Variants in NRXN3 observed in about 807,000 individuals in gnomAD.
The protein encoded by NRXN3 is neurexin III.
Under a neutral mutation model 137.6 loss-of-function variants are expected in NRXN3, and 32 were observed. That is an observed-to-expected ratio of 0.23 (90% confidence interval 0.18 to 0.31). The LOEUF (loss-of-function observed/expected upper bound fraction) is 0.31, where lower values mean the gene tolerates loss of function less well. Ranked by LOEUF, NRXN3 falls within the 10% of genes least tolerant of loss-of-function variation. NRXN3 has a pLI of 1.00. For missense variants in NRXN3, 1,574 were observed against 2,062.5 expected (o/e 0.76, Z 4.59); for synonymous variants, 798 against 784.5 (o/e 1.02, Z -0.29).
intron 19 of NRXN3, among the ~76,000 whole-genome samples, chr14:79,772,253 C>A (rs1219088930): frequency 1.3e-5 from 2 of 152,066 alleles, no homozygotes; most frequent in Non-Finnish European, 2.9e-5. Flanking sequence ...CAATGACTTT[C>A]TTCACAGAAT....
chr14:79,124,715 A>G (rs1156696396), intron 15 of NRXN3, among the ~76,000 whole-genome samples: 1 of 152,176 alleles, frequency 6.6e-6, no homozygotes, highest in Non-Finnish European at 1.5e-5. Context: ...TCTGGAGGGA[A>G]ATTTCCAAGG....
At chr14:79,591,677 A>AT (rs1416627034) in intron 16 of NRXN3, among the ~76,000 whole-genome samples, 3 of 152,120 alleles carry the variant, frequency 2.0e-5, no homozygotes, top group Non-Finnish European at 4.4e-5. Context: ...TACAAAAGAG[A>AT]TTTTCACTTA....
intron 4 of NRXN3, among the ~76,000 whole-genome samples, chr14:78,614,777 G>T (rs957055232): frequency 2.6e-5 from 4 of 152,200 alleles, no homozygotes; most frequent in African/African-American, 9.6e-5. Context: ...AATTTTCTGG[G>T]TCAATTGTGC....
At chr14:78,533,824 G>A (rs2096500804) in intron 4 of NRXN3, among the ~76,000 whole-genome samples, 1 of 152,156 alleles carries the variant, frequency 6.6e-6, no homozygotes, top group African/African-American at 2.4e-5. Context: ...CATGCATATG[G>A]CCACTATGGC....
At chr14:78,927,022 A>T (rs2099307044) in intron 10 of NRXN3, among the ~76,000 whole-genome samples, 1 of 114,250 alleles carries the variant, frequency 8.8e-6, no homozygotes, top group Admixed American at 1.4e-4. Context: ...AAATGTGGTG[A>T]TGCACTCCTG....
At chr14:79,106,258 G>C (rs574294373) in intron 15 of NRXN3, among the ~76,000 whole-genome samples, 14 of 152,040 alleles carry the variant, frequency 9.2e-5, no homozygotes, top group Non-Finnish European at 1.9e-4. Context: ...GATGACGGTA[G>C]GTAGCAGGAT....
At chr14:78,489,916 C>CTT (rs11342442) in intron 4 of NRXN3, among the ~76,000 whole-genome samples, 3 of 140,502 alleles carry the variant, frequency 2.1e-5, no homozygotes, top group African/African-American at 2.6e-5. Context: ...GAGAGCTGGA[C>CTT]TTTTTTTTTT....
At chr14:78,933,345 T>G (rs2099327392) in intron 10 of NRXN3, among the ~76,000 whole-genome samples, 1 of 152,240 alleles carries the variant, frequency 6.6e-6, no homozygotes, top group Non-Finnish European at 1.5e-5. Context: ...CAAGATAACA[T>G]AGCAATTTGG....
chr14:78,921,099 C>G (rs61994010), intron 10 of NRXN3, among the ~76,000 whole-genome samples: 3,049 of 152,302 alleles, frequency 0.02, 40 homozygotes, highest in Middle Eastern at 0.048. Context: ...TGTAATCAGT[C>G]CTCATCCTAA....
At chr14:79,293,644 A>G (rs4899738) in intron 15 of NRXN3, among the ~76,000 whole-genome samples, 49,883 of 152,006 alleles carry the variant, frequency 0.33, 8,555 homozygotes, top group Admixed American at 0.45. Context: ...CACCACTTGG[A>G]TAACAAATGA....
At chr14:78,601,343 T>C (rs1223317549) in intron 4 of NRXN3, among the ~76,000 whole-genome samples, 1 of 152,218 alleles carries the variant, frequency 6.6e-6, no homozygotes, top group Non-Finnish European at 1.5e-5. Context: ...ATGCCAATTT[T>C]GTGAGTAAAA....
At chr14:79,692,081 A>G in intron 17 of NRXN3, 92 bp from the exon 18 acceptor site, 5 of 901,782 alleles carry the variant, frequency 5.5e-6, no homozygotes, top group Admixed American at 2.9e-5. Flanking sequence ...ATCTCTAAAA[A>G]CTTCATAAAA....
chr14:79,281,636 C>T (rs1345813154), intron 15 of NRXN3: 1 of 152,020 alleles, frequency 6.6e-6, no homozygotes, highest in South Asian at 2.1e-4. Flanking sequence ...GTTGATTGAA[C>T]TGTTATAAAG....
intron 15 of NRXN3, among the ~76,000 whole-genome samples, chr14:79,419,637 G>A (rs564755143): frequency 6.6e-6 from 1 of 151,886 alleles, no homozygotes; most frequent in South Asian, 2.1e-4. Context: ...GGGGAGAGAA[G>A]GATGAAAGAG....
intron 16 of NRXN3, among the ~76,000 whole-genome samples, chr14:79,614,195 A>G (rs1603100113): frequency 1.3e-5 from 2 of 152,348 alleles, no homozygotes; most frequent in East Asian, 3.9e-4. Context: ...TTCCGTTGAG[A>G]TAGAACACAC....
chr14:79,461,388 A>G (rs948985376), intron 15 of NRXN3, among the ~76,000 whole-genome samples: 5 of 152,176 alleles, frequency 3.3e-5, no homozygotes, highest in Non-Finnish European at 1.5e-5. Context: ...CAGATGAGAC[A>G]CTCCAAAAGA....
intron 15 of NRXN3, among the ~76,000 whole-genome samples, chr14:79,023,767 A>G (rs2099593655): frequency 6.6e-6 from 1 of 152,074 alleles, no homozygotes; most frequent in Non-Finnish European, 1.5e-5. Context: ...TGTCACAAGA[A>G]CAGCATGGGG....
chr14:79,850,551 G>T (rs886985603), intron 20 of NRXN3, among the ~76,000 whole-genome samples: 1 of 152,090 alleles, frequency 6.6e-6, no homozygotes, highest in Non-Finnish European at 1.5e-5. Context: ...TAAAAATTTT[G>T]ATTTTACATT....
intron 15 of NRXN3, among the ~76,000 whole-genome samples, chr14:79,112,580 G>A (rs2053723581): frequency 6.6e-6 from 1 of 152,210 alleles, no homozygotes; most frequent in South Asian, 2.1e-4. Context: ...TCAACAGACT[G>A]TGTGTACATA....
Sources: allele counts gnomAD v4.1 joint callset (sites outside exome capture counted in the v4.1 genomes callset), GRCh38; gene constraint gnomAD v4.1.1; transcripts MANE v1.5; gene names NCBI Gene and HGNC (gene_info 2026-07-23, HGNC 2026-07-21).